The following PDE10A variants were observed in gnomAD, a reference collection of about 807,000 sequenced individuals.
PDE10A encodes cAMP and cAMP-inhibited cGMP 3',5'-cyclic phosphodiesterase 10A.
A neutral mutation model predicts 97.7 loss-of-function variants in PDE10A; 39 were observed. The observed-to-expected ratio is 0.40, with a 90% CI of 0.31 to 0.52. The LOEUF is 0.52. Ranked by LOEUF, PDE10A falls within the 20% of genes least tolerant of loss-of-function variation. The probability of loss-of-function intolerance (pLI) is 0.56; values close to 1 mark genes in which losing one functional copy is unlikely to be tolerated. For missense variants in PDE10A, 731 were observed against 1,047.8 expected (o/e 0.70, Z 4.17); for synonymous variants, 371 against 376.8 (o/e 0.98, Z 0.18).
intron 10 of PDE10A, among the ~76,000 whole-genome samples, chr6:165,419,797 C>T (rs951146319): frequency 1.3e-5 from 2 of 152,154 alleles, no homozygotes; most frequent in African/African-American, 4.8e-5. Context: ...TTCATCCTTA[C>T]AGTAAAACAG....
At position 165,655,634 on chromosome 6, in the gene PDE10A, T is replaced by C. The variant is rs900022865; in HGVS notation, c.865+6313A>G. ...GTCTTGACTATGACAGTAGCATCCA[T>C]GGACTCCCTGTATCCACGACATCTC... On this transcript the variant is annotated intron_variant, in intron 1 of 21. Coordinates refer to ENST00000539869, the MANE Select transcript of PDE10A (RefSeq NM_001385079.1). The surrounding 1 kb of genome is among the most constrained non-coding windows in gnomAD (Gnocchi z 4.5). Among the ~76,000 whole-genome samples, 32 of 152,270 alleles carry C rather than the reference T, an allele frequency of 2.1e-4. No individual in the cohort carries two copies. The highest frequency in any genetic ancestry group is 6.8e-3 in the Middle Eastern group (2 of 294).
chr6:165,356,105 C>T (rs1783007933), intron 18 of PDE10A, among the ~76,000 whole-genome samples: 1 of 152,078 alleles, frequency 6.6e-6, no homozygotes, highest in African/African-American at 2.4e-5. Flanking sequence ...GGTGAGAATT[C>T]ATTCACTATC....
chr6:165,957,071 T>C (rs1784155683), intron 1 of PDE10A, among the ~76,000 whole-genome samples: 1 of 152,164 alleles, frequency 6.6e-6, no homozygotes, highest in South Asian at 2.1e-4. Flanking sequence ...TCCTGGCTAC[T>C]AGTGCAGGAG....
intron 1 of PDE10A, among the ~76,000 whole-genome samples, chr6:165,976,948 T>C (rs1446875112): frequency 6.6e-6 from 1 of 152,214 alleles, no homozygotes; most frequent in Non-Finnish European, 1.5e-5. Context: ...CCCTCTGCTG[T>C]CAGCACACAT....
At chr6:165,828,945 T>A (rs996790977) in intron 1 of PDE10A, among the ~76,000 whole-genome samples, 1 of 152,228 alleles carries the variant, frequency 6.6e-6, no homozygotes, top group East Asian at 1.9e-4. Flanking sequence ...ATCAAGCTAG[T>A]TAATCAGTAA....
chr6:165,377,101 G>A (rs188769000), intron 18 of PDE10A, among the ~76,000 whole-genome samples: 1 of 152,262 alleles, frequency 6.6e-6, no homozygotes, highest in African/African-American at 2.4e-5. Flanking sequence ...AAATTAAGGT[G>A]TGTATTTTTT....
At chr6:165,557,538 GT>G (rs1371271364) in intron 1 of PDE10A, among the ~76,000 whole-genome samples, 1 of 151,920 alleles carries the variant, frequency 6.6e-6, no homozygotes, top group African/African-American at 2.4e-5. Context: ...ATCAAAATAC[GT>G]TTTTTAAAAA....
chr6:165,901,307 C>T (rs1283249569), intron 1 of PDE10A, among the ~76,000 whole-genome samples: 1 of 152,090 alleles, frequency 6.6e-6, no homozygotes, highest in Non-Finnish European at 1.5e-5. Context: ...TGCCCAGCTC[C>T]ACACCAGGTA....
At chr6:165,363,240 G>T (rs1783540428) in intron 18 of PDE10A, among the ~76,000 whole-genome samples, 1 of 152,196 alleles carries the variant, frequency 6.6e-6, no homozygotes, top group South Asian at 2.1e-4. Flanking sequence ...AAATGGGCCA[G>T]GTGCCATGAC....
At chr6:165,958,759 A>AAGAAAG (rs1784268158) in intron 1 of PDE10A, among the ~76,000 whole-genome samples, 1 of 148,078 alleles carries the variant, frequency 6.8e-6, no homozygotes, top group Non-Finnish European at 1.5e-5. Flanking sequence ...GAAAGAAAGA[A>AAGAAAG]AGAAAGAAGA....
chr6:165,593,635 T>C (rs1241475450), intron 1 of PDE10A, among the ~76,000 whole-genome samples: 1 of 152,202 alleles, frequency 6.6e-6, no homozygotes, highest in Non-Finnish European at 1.5e-5. Flanking sequence ...ATTACATTAG[T>C]TACATTTCAA....
At chr6:165,976,322 C>T (rs1424888268) in intron 1 of PDE10A, among the ~76,000 whole-genome samples, 1 of 152,126 alleles carries the variant, frequency 6.6e-6, no homozygotes, top group Non-Finnish European at 1.5e-5. Flanking sequence ...TAAAATCAGG[C>T]CTCTCACCAT....
At chr6:165,530,544 G>A (rs914503981) in intron 2 of PDE10A, among the ~76,000 whole-genome samples, 2 of 152,014 alleles carry the variant, frequency 1.3e-5, no homozygotes, top group Admixed American at 6.6e-5. Flanking sequence ...CACTACCTGG[G>A]TGATGGGATC....
At chr6:165,504,116 CAG>C (rs1781055632) in intron 2 of PDE10A, among the ~76,000 whole-genome samples, 1 of 152,024 alleles carries the variant, frequency 6.6e-6, no homozygotes, top group South Asian at 2.1e-4. Context: ...AAACTGATGA[CAG>C]GGAATAATTC....
intron 1 of PDE10A, among the ~76,000 whole-genome samples, chr6:165,602,383 C>T (rs1480206143): frequency 1.3e-5 from 2 of 152,120 alleles, no homozygotes; most frequent in African/African-American, 2.4e-5. Context: ...TGTCTCCCTT[C>T]GGTCTCTCTC....
At chr6:165,389,237 A>G (rs1386256744) in intron 16 of PDE10A, among the ~76,000 whole-genome samples, 1 of 152,208 alleles carries the variant, frequency 6.6e-6, no homozygotes, top group Non-Finnish European at 1.5e-5. Context: ...TTAGCAGAGC[A>G]GTGTTACCAT....
At chr6:165,733,422 C>T (rs548046516) in intron 1 of PDE10A, among the ~76,000 whole-genome samples, 4 of 152,296 alleles carry the variant, frequency 2.6e-5, no homozygotes, top group African/African-American at 4.8e-5. Context: ...AGTGCTGCCA[C>T]GCTTGAGCTG....
At chr6:165,491,513 A>G (rs944706578) in intron 2 of PDE10A, among the ~76,000 whole-genome samples, 21 of 152,214 alleles carry the variant, frequency 1.4e-4, no homozygotes, top group African/African-American at 5.1e-4. Context: ...AAATCTCAAC[A>G]AATTTAAGAA....
chr6:165,650,889 C>T (rs894921769), intron 1 of PDE10A, among the ~76,000 whole-genome samples: 9 of 152,092 alleles, frequency 5.9e-5, no homozygotes, highest in Non-Finnish European at 1.3e-4. Flanking sequence ...AGGTGTGTGC[C>T]ACCGCACCCA....
Sources: gnomAD v4.1 joint callset for allele counts (sites outside exome capture counted in the v4.1 genomes callset) on GRCh38, gnomAD v4.1.1 for gene constraint, Gnocchi (gnomAD v3.1) non-coding constraint, MANE v1.5 for transcripts, NCBI Gene and HGNC (gene_info 2026-07-23, HGNC 2026-07-21) for gene names.